MALRD1: variants seen among roughly 807,000 people sequenced by gnomAD.
MALRD1 encodes MAM and LDL-receptor class A domain-containing protein 1.
Under a neutral mutation model 242.1 loss-of-function variants are expected in MALRD1, and 247 were observed. That is an observed-to-expected ratio of 1.02 (90% CI 0.92 to 1.13). The LOEUF is 1.13. Ranked by LOEUF, MALRD1 falls within the 50% of genes most tolerant of loss-of-function variation. The pLI, the probability that MALRD1 is intolerant of heterozygous loss-of-function variation, is 0.00. For missense variants in MALRD1, 2,989 were observed against 2,533.1 expected (o/e 1.18, Z -3.86); for synonymous variants, 995 against 866.6 (o/e 1.15, Z -2.60).
At chr10:19,276,828 T>G (rs1840550725) in intron 19 of MALRD1, among the ~76,000 whole-genome samples, 1 of 152,162 alleles carries the variant, frequency 6.6e-6, no homozygotes, top group Non-Finnish European at 1.5e-5. Flanking sequence ...CTCCTTTTTT[T>G]TTGTGGTGTT....
intron 32 of MALRD1, among the ~76,000 whole-genome samples, chr10:19,555,592 A>C (rs1835684439): frequency 6.6e-6 from 1 of 152,186 alleles, no homozygotes; most frequent in Admixed American, 6.5e-5. Flanking sequence ...ATAAGGAGGC[A>C]AAGAGTAGTG....
At chr10:19,076,506 A>T (rs1355554931) in intron 2 of MALRD1, among the ~76,000 whole-genome samples, 1 of 152,000 alleles carries the variant, frequency 6.6e-6, no homozygotes, top group Non-Finnish European at 1.5e-5. Flanking sequence ...CCACTTTTGC[A>T]TGTACCTATC....
At chr10:19,408,160 T>C (rs1040776819) in intron 28 of MALRD1, among the ~76,000 whole-genome samples, 1 of 151,972 alleles carries the variant, frequency 6.6e-6, no homozygotes, top group Non-Finnish European at 1.5e-5. Flanking sequence ...GGAAGAGAAG[T>C]TGGTCAACAG....
intron 26 of MALRD1, among the ~76,000 whole-genome samples, chr10:19,374,492 T>C (rs1845518145): frequency 6.6e-6 from 1 of 152,246 alleles, no homozygotes. Flanking sequence ...TGAAGTTCTA[T>C]GCAAATTTTT....
At chr10:19,624,722 CG>C (rs1178610209) in intron 36 of MALRD1, among the ~76,000 whole-genome samples, 5 of 151,554 alleles carry the variant, frequency 3.3e-5, no homozygotes, top group Non-Finnish European at 5.9e-5. Context: ...AAAAATTAGC[CG>C]GGGGTGATGG....
rs1554791209 is a variant in MALRD1 at position 19,113,816 on chromosome 10, C to CACACACACAG, written c.695-9667_695-9666insGACACACACA. 1.8e-3 allele frequency among the ~76,000 whole-genome samples: 260 copies of CACACACACAG among 147,498 alleles called. 2 individuals carry two copies. Among genetic ancestry groups the CACACACACAG allele is most frequent in the African/African-American group, 6.1e-3 (242 of 39,810 alleles). On this transcript the variant is annotated intron_variant, in intron 5 of 39. Transcript: ENST00000454679. The stretch of plus-strand genomic sequence containing the variant: ...CTACACACACACACACACACACACA[C>CACACACACAG]ACACACACACACACAGACACACACA...
chr10:19,724,022 T>C (rs1327919380), intron 38 of MALRD1, among the ~76,000 whole-genome samples: 1 of 152,174 alleles, frequency 6.6e-6, no homozygotes, highest in Admixed American at 6.5e-5. Flanking sequence ...CACACCACTG[T>C]ATACAAGCCT....
chr10:19,148,458 T>G (rs1833803764), intron 11 of MALRD1, among the ~76,000 whole-genome samples: 2 of 151,362 alleles, frequency 1.3e-5, no homozygotes, highest in Non-Finnish European at 2.9e-5. Context: ...TGTAGTAAGA[T>G]CTCCATAAAC....
chr10:19,549,706 G>T (rs2131402398), intron 32 of MALRD1, among the ~76,000 whole-genome samples: 1 of 152,258 alleles, frequency 6.6e-6, no homozygotes, highest in African/African-American at 2.4e-5. Context: ...GCAATATTTG[G>T]TTTATTGCAG....
intron 28 of MALRD1, among the ~76,000 whole-genome samples, chr10:19,421,010 C>T (rs1833699821): frequency 1.3e-5 from 2 of 152,150 alleles, no homozygotes; most frequent in Admixed American, 1.3e-4. Context: ...AATGACTCTA[C>T]CCTTGGTTGA....
intron 34 of MALRD1, among the ~76,000 whole-genome samples, chr10:19,603,629 A>T (rs1838470105): frequency 6.6e-6 from 1 of 152,162 alleles, no homozygotes; most frequent in Non-Finnish European, 1.5e-5. Context: ...AGGTAGTGTG[A>T]TGCCTCCGGC....
chr10:19,323,904 C>A (rs916859154), intron 21 of MALRD1, 45 bp from the exon 22 acceptor site: 73 of 1,534,522 alleles, frequency 4.8e-5, no homozygotes, highest in Non-Finnish European at 6.0e-5. Flanking sequence ...AGCCACCGTG[C>A]CCGGCCTCTT....
intron 26 of MALRD1, among the ~76,000 whole-genome samples, chr10:19,367,143 A>G (rs927827720): frequency 6.6e-6 from 1 of 152,062 alleles, no homozygotes; most frequent in African/African-American, 2.4e-5. Context: ...CCTTCTAGCT[A>G]TTTGAAACTG....
chr10:19,345,263 A>G (rs1218279100), intron 24 of MALRD1, among the ~76,000 whole-genome samples: 1 of 152,188 alleles, frequency 6.6e-6, no homozygotes, highest in East Asian at 1.9e-4. Context: ...GAATGAAAAT[A>G]TCAAATCTGT....
intron 32 of MALRD1, among the ~76,000 whole-genome samples, chr10:19,560,579 T>C (rs1176179784): frequency 2.0e-5 from 3 of 152,150 alleles, no homozygotes; most frequent in Non-Finnish European, 4.4e-5. Flanking sequence ...CCATCAATGA[T>C]AGACTAGATA....
intron 34 of MALRD1, among the ~76,000 whole-genome samples, chr10:19,599,063 CT>C (rs999025574): frequency 6.6e-6 from 1 of 152,012 alleles, no homozygotes; most frequent in Admixed American, 6.6e-5. Context: ...TGAAGCCATT[CT>C]TTTTTAAGAG....
At chr10:19,341,500 ATG>A (rs1564577157) in intron 24 of MALRD1, among the ~76,000 whole-genome samples, 47 of 142,854 alleles carry the variant, frequency 3.3e-4, no homozygotes, top group South Asian at 4.4e-4. Context: ...ATATGTATAT[ATG>A]TATATATATG....
At chr10:19,409,552 G>A (rs761026616) in intron 28 of MALRD1, among the ~76,000 whole-genome samples, 1 of 152,152 alleles carries the variant, frequency 6.6e-6, no homozygotes, top group Non-Finnish European at 1.5e-5. Flanking sequence ...AGCTATTAGA[G>A]AGTAACATGA....
At chr10:19,265,321 GT>G (rs74920975) in intron 19 of MALRD1, among the ~76,000 whole-genome samples, 11,815 of 150,648 alleles carry the variant, frequency 0.078, 524 homozygotes, top group East Asian at 0.17. Context: ...GCTTATTTGA[GT>G]TTTTTTTATT....
Sources: allele counts gnomAD v4.1 joint callset (sites outside exome capture counted in the v4.1 genomes callset), GRCh38; gene constraint gnomAD v4.1.1; transcripts MANE v1.5; gene names NCBI Gene and HGNC (gene_info 2026-07-23, HGNC 2026-07-21).